MAML3: variants seen among roughly 807,000 people sequenced by gnomAD.
The protein encoded by MAML3 is mastermind-like protein 3.
A neutral mutation model predicts 101.9 loss-of-function variants in MAML3; 27 were observed. That is an observed-to-expected ratio of 0.27 (90% confidence interval 0.20 to 0.37). MAML3 has a LOEUF of 0.37. MAML3 is among the 10% of genes least tolerant of loss of function. The probability of loss-of-function intolerance (pLI) is 1.00; values close to 1 mark genes in which losing one functional copy is unlikely to be tolerated. For missense variants in MAML3, 1,316 were observed against 1,444.9 expected (o/e 0.91, Z 1.45); for synonymous variants, 501 against 555.9 (o/e 0.90, Z 1.39).
intron 2 of MAML3, among the ~76,000 whole-genome samples, chr4:139,868,108 A>G (rs149117999): frequency 2.5e-3 from 376 of 152,312 alleles, no homozygotes; most frequent in Non-Finnish European, 4.0e-3. Flanking sequence ...GTGTGTGTGT[A>G]TGTATACATG....
chr4:139,828,802 C>T (rs951478678), intron 2 of MAML3, among the ~76,000 whole-genome samples: 3 of 149,536 alleles, frequency 2.0e-5, no homozygotes, highest in Non-Finnish European at 4.4e-5. Flanking sequence ...GGAACATTGA[C>T]TTCAAGGGTT....
chr4:139,892,935 A>G (rs1732533848), intron 1 of MAML3, among the ~76,000 whole-genome samples: 1 of 151,498 alleles, frequency 6.6e-6, no homozygotes, highest in East Asian at 1.9e-4. Context: ...CGTCTCAAAA[A>G]AAAAAAAAAA....
chr4:139,850,643 C>T (rs568945228), intron 2 of MAML3, among the ~76,000 whole-genome samples: 19 of 135,536 alleles, frequency 1.4e-4, no homozygotes, highest in Admixed American at 3.0e-4. Flanking sequence ...AAACGACCCT[C>T]GATCCTCCCA....
chr4:140,119,220 C>T (rs1298037084), intron 1 of MAML3, among the ~76,000 whole-genome samples: 1 of 152,160 alleles, frequency 6.6e-6, no homozygotes. Flanking sequence ...CACTACATAA[C>T]CCTTCCTAGA....
At chr4:140,149,935 CTTTCTTT>C (rs1560909198) in intron 1 of MAML3, among the ~76,000 whole-genome samples, 1 of 50,112 alleles carries the variant, frequency 2.0e-5, no homozygotes, top group Admixed American at 3.1e-4. Flanking sequence ...GAGCATGTTT[CTTTCTTT>C]TTTTTTTTTT....
chr4:139,919,052 A>G (rs977346286), intron 1 of MAML3, among the ~76,000 whole-genome samples: 1 of 152,246 alleles, frequency 6.6e-6, no homozygotes, highest in Admixed American at 6.5e-5. Context: ...CTAAAGAGAA[A>G]TACTACAGGT....
At chr4:140,075,566 T>C (rs2110960807) in intron 1 of MAML3, among the ~76,000 whole-genome samples, 1 of 152,324 alleles carries the variant, frequency 6.6e-6, no homozygotes, top group East Asian at 1.9e-4. Flanking sequence ...AGATAGGATG[T>C]CACTCTATCA....
At chr4:139,776,234 G>A (rs1401031207) in intron 2 of MAML3, among the ~76,000 whole-genome samples, 1 of 152,080 alleles carries the variant, frequency 6.6e-6, no homozygotes, top group African/African-American at 2.4e-5. Flanking sequence ...ATTTATTTTT[G>A]TTGTATTTTG....
chr4:140,114,692 C>T (rs1728488725), intron 1 of MAML3, among the ~76,000 whole-genome samples: 2 of 152,146 alleles, frequency 1.3e-5, no homozygotes, highest in South Asian at 2.1e-4. Flanking sequence ...AAATTGCCAG[C>T]GACCAGTTTC....
intron 2 of MAML3, among the ~76,000 whole-genome samples, chr4:139,823,758 C>T (rs1731015047): frequency 6.6e-6 from 1 of 151,120 alleles, no homozygotes; most frequent in African/African-American, 2.4e-5. Flanking sequence ...GTAAGCTGCA[C>T]AAGGGCAGAG....
chr4:139,816,116 A>C (rs895706846), intron 2 of MAML3, among the ~76,000 whole-genome samples: 1 of 152,130 alleles, frequency 6.6e-6, no homozygotes. Flanking sequence ...AGAGATGTTG[A>C]TTGCATTGTT....
chr4:139,969,511 T>A (rs1734197953), intron 1 of MAML3, among the ~76,000 whole-genome samples: 2 of 152,190 alleles, frequency 1.3e-5, no homozygotes, highest in African/African-American at 4.8e-5. Flanking sequence ...AATTTCCACA[T>A]TTGATAATTT....
chr4:139,979,391 G>A (rs1734403872), intron 1 of MAML3, among the ~76,000 whole-genome samples: 1 of 152,082 alleles, frequency 6.6e-6, no homozygotes, highest in Admixed American at 6.5e-5. Context: ...CCCCTCCATA[G>A]ACACCACTGC....
At chr4:139,779,701 C>T (rs1327003489) in intron 2 of MAML3, among the ~76,000 whole-genome samples, 5 of 152,256 alleles carry the variant, frequency 3.3e-5, no homozygotes, top group Non-Finnish European at 7.4e-5. Flanking sequence ...CAATAATCAG[C>T]GGAGGGGTGA....
At chr4:140,006,183 T>G (rs1726440577) in intron 1 of MAML3, among the ~76,000 whole-genome samples, 1 of 152,154 alleles carries the variant, frequency 6.6e-6, no homozygotes, top group African/African-American at 2.4e-5. Flanking sequence ...AAACATATGC[T>G]TCTGTCTTGT....
Position 139,719,410 on chromosome 4 carries a change from G to A in MAML3, c.3330C>T (p.Asp1110=), listed in dbSNP as rs373309120. The A allele has an allele frequency of 6.1e-5, 99 of 1,613,984 alleles. No individual in the cohort carries two copies. The highest frequency in any genetic ancestry group is 3.3e-4 in the Middle Eastern group (2 of 6,058). ...GAGGSFPGLP[D]GADLVDSIIK... ...TGATGGAGTCCACAAGGTCTGCACCGTCCGGGAGGCCAGGGAAGGAACCCC... is the reference window on the plus strand; with the variant it reads ...TGATGGAGTCCACAAGGTCTGCACCATCCGGGAGGCCAGGGAAGGAACCCC... Residue 1110 remains aspartate, a synonymous_variant, in exon 5 of 5, where the codon GAC becomes GAT. Coordinates refer to ENST00000509479, the MANE Select transcript of MAML3 (RefSeq NM_018717.5).
intron 2 of MAML3, among the ~76,000 whole-genome samples, chr4:139,827,016 C>T (rs910155913): frequency 9.2e-5 from 14 of 152,026 alleles, no homozygotes; most frequent in African/African-American, 1.9e-4. Flanking sequence ...AAATGAGTAA[C>T]GACCATTCAG....
intron 1 of MAML3, among the ~76,000 whole-genome samples, chr4:140,079,028 C>T (rs954599005): frequency 6.6e-6 from 1 of 152,092 alleles, no homozygotes; most frequent in African/African-American, 2.4e-5. Context: ...GGGAAGTCCA[C>T]CTTCTGAATC....
chr4:140,139,776 T>C (rs963753171), intron 1 of MAML3, among the ~76,000 whole-genome samples: 4 of 152,230 alleles, frequency 2.6e-5, no homozygotes, highest in Non-Finnish European at 5.9e-5. Context: ...TTATCTATAA[T>C]CAATATAAAG....
Sources: allele counts gnomAD v4.1 joint callset (sites outside exome capture counted in the v4.1 genomes callset), GRCh38; gene constraint gnomAD v4.1.1; transcripts MANE v1.5; gene names NCBI Gene and HGNC (gene_info 2026-07-23, HGNC 2026-07-21).